Variants in CLASP2 observed in about 807,000 individuals in gnomAD.
CLASP2 encodes the protein CLIP-associating protein 2.
Under a neutral mutation model 194.4 loss-of-function variants are expected in CLASP2, and 47 were observed. The ratio of observed to expected loss-of-function variants is 0.24; its 90% confidence interval spans 0.19 to 0.31. CLASP2 has a LOEUF of 0.31. Among genes scored for constraint, CLASP2 ranks in the 10% least tolerant of loss-of-function variants. CLASP2 has a pLI of 1.00. For synonymous variants in CLASP2, 619 were observed against 633.5 expected (o/e 0.98, Z 0.34); for missense variants, 1,445 against 1,823.6 (o/e 0.79, Z 3.78).
chr3:33,613,316 T>C (rs1366335295), intron 12 of CLASP2, among the ~76,000 whole-genome samples: 1 of 152,186 alleles, frequency 6.6e-6, no homozygotes, highest in African/African-American at 2.4e-5. Context: ...TCCCTGAGAA[T>C]ACTCTTGAAT....
rs28594511 is a variant in CLASP2 at position 33,652,761 on chromosome 3, A to G, written c.716-7858T>C. Among the ~76,000 whole-genome samples, 653 of 152,248 alleles carry G rather than the reference A, an allele frequency of 4.3e-3. 4 individuals are homozygous for G. The highest frequency in any genetic ancestry group is 0.014 in the African/African-American group (586 of 41,548). ...AATTTCATATAGACACATAAAACCA[A>G]CATCATCCAAAACTGATCTCCCTAA... is the stretch of plus-strand genomic sequence containing the variant. On this transcript the variant is annotated intron_variant, in intron 7 of 38. Coordinates refer to ENST00000682230, the MANE Select transcript of CLASP2 (RefSeq NM_001365631.1).
chr3:33,516,778 C>G (rs2051448993), intron 35 of CLASP2, among the ~76,000 whole-genome samples: 1 of 152,120 alleles, frequency 6.6e-6, no homozygotes, highest in Non-Finnish European at 1.5e-5. Context: ...AGCCTGCGAC[C>G]TTTCATTTTT....
At chr3:33,670,979 G>A (rs1272128000) in intron 6 of CLASP2, among the ~76,000 whole-genome samples, 1 of 152,052 alleles carries the variant, frequency 6.6e-6, no homozygotes, top group Non-Finnish European at 1.5e-5. Flanking sequence ...TAACCTGCTG[G>A]GGTTTTATCA....
At chr3:33,561,111 T>C in intron 27 of CLASP2, 140 bp from the exon 28 acceptor site, 1 of 700,262 alleles carries the variant, frequency 1.4e-6, no homozygotes, top group Non-Finnish European at 2.3e-6. Flanking sequence ...CAATCTCTCT[T>C]GCTTTTCATT....
chr3:33,665,612 T>A (rs2086050207), intron 6 of CLASP2, among the ~76,000 whole-genome samples: 1 of 152,200 alleles, frequency 6.6e-6, no homozygotes, highest in Admixed American at 6.5e-5. Flanking sequence ...AAAATTAACA[T>A]CTGACTTTTG....
At chr3:33,544,866 A>G (rs2058899791) in intron 30 of CLASP2, 25 bp from the exon 31 acceptor site, 1 of 1,551,302 alleles carries the variant, frequency 6.4e-7, no homozygotes. Context: ...CATACAGTAG[A>G]TGAATATATT....
intron 9 of CLASP2, among the ~76,000 whole-genome samples, chr3:33,628,628 T>G (rs1030793210): frequency 6.6e-6 from 1 of 152,138 alleles, no homozygotes; most frequent in Non-Finnish European, 1.5e-5. Context: ...CAGGATAAGT[T>G]TGAGGTGTCT....
intron 34 of CLASP2, among the ~76,000 whole-genome samples, chr3:33,525,289 G>T (rs1217460375): frequency 5.9e-5 from 9 of 152,136 alleles, no homozygotes; most frequent in Admixed American, 5.9e-4. Context: ...AGCTATAAAT[G>T]TGTTAACTTA....
At chr3:33,506,370 T>C (rs1373495188) in intron 37 of CLASP2, among the ~76,000 whole-genome samples, 1 of 81,758 alleles carries the variant, frequency 1.2e-5, no homozygotes, top group Non-Finnish European at 1.9e-5. Context: ...AGAGTGAGAC[T>C]CTGTCTCGAA....
At position 33,594,970 on chromosome 3, in the gene CLASP2, T is replaced by A; in HGVS notation, c.1949-2A>T. Reference sequence around the variant, plus strand: ...TCTTACCATCTTCAGATGCTGTTCCTAAATAAGAAAAATAAAACAACATTT... The same window carrying A: ...TCTTACCATCTTCAGATGCTGTTCCAAAATAAGAAAAATAAAACAACATTT... On this transcript the variant is annotated splice_acceptor_variant, in intron 19 of 38. Transcript: ENST00000682230. LOFTEE classifies it high-confidence loss of function. The A allele has an allele frequency of 7.0e-7, 1 of 1,432,152 alleles. No homozygotes were observed. The highest frequency in any genetic ancestry group is 9.3e-7 in the Non-Finnish European group (1 of 1,071,808). 88.7% of individuals were successfully genotyped at this position (1,432,152 alleles called of 1,614,324 possible). A position where few individuals can be genotyped will look rare whatever the true frequency, so the allele number is the denominator to read the frequency against.
chr3:33,591,894 TATC>T (rs2068881571), intron 21 of CLASP2, among the ~76,000 whole-genome samples: 1 of 152,194 alleles, frequency 6.6e-6, no homozygotes, highest in Admixed American at 6.5e-5. Context: ...GAAAATAAGA[TATC>T]ATGTATCTGT....
In CLASP2 at chr3:33,644,891, T is replaced by C; in HGVS notation, c.728A>G (p.Asp243Gly). Reference protein sequence around the residue: ...ILSVCKDKSFDDEESVDGNRP... With the variant: ...ILSVCKDKSFGDEESVDGNRP... Reference sequence around the variant, plus strand: ...ATTTCCATCCACTGATTCTTCATCATCGAAGCTTTTATCTGCACAAAGCAT... The same window carrying C: ...ATTTCCATCCACTGATTCTTCATCACCGAAGCTTTTATCTGCACAAAGCAT... The change falls in exon 8 of 39, where the codon GAT becomes GGT. Residue 243 changes from aspartate to glycine, a missense_variant. Asp to Gly is a moderately conservative substitution (Grantham distance 94, BLOSUM62 -1). This residue lies in a region of CLASP2 where 332 missense variants were observed against 325.3 expected (regional missense o/e 1.02). Coordinates refer to ENST00000682230, the MANE Select transcript of CLASP2 (RefSeq NM_001365631.1). 6.3e-7 allele frequency: 1 copy of C among 1,597,300 alleles called. No homozygotes were observed. Among genetic ancestry groups the C allele is most frequent in the South Asian group, 1.1e-5 (1 of 88,408 alleles).
At chr3:33,676,539 T>C (rs1297355554) in intron 6 of CLASP2, among the ~76,000 whole-genome samples, 11 of 150,308 alleles carry the variant, frequency 7.3e-5, no homozygotes, top group Non-Finnish European at 1.3e-4. Context: ...TTACACCTTA[T>C]ACAAAAATCA....
At chr3:33,567,270 A>T (rs1278356475) in intron 26 of CLASP2, among the ~76,000 whole-genome samples, 1 of 152,174 alleles carries the variant, frequency 6.6e-6, no homozygotes. Flanking sequence ...TATTTTCCCT[A>T]GGTAAGATGT....
In CLASP2 at chr3:33,571,015, A is replaced by ATTTTTTTTTTTTTTTTTTTTTTTTTT. The variant is rs1027731514; in HGVS notation, c.2700-226_2700-225insAAAAAAAAAAAAAAAAAAAAAAAAAA. On this transcript the variant is annotated intron_variant, in intron 25 of 38. Transcript: ENST00000682230. ...AGATGGCAAGATCCTGTCTCTATAA[A>ATTTTTTTTTTTTTTTTTTTTTTTTTT]TTTTTTTTTTTTTTTTTTGAGACGG... 3.2e-4 allele frequency among the ~76,000 whole-genome samples: 40 copies of ATTTTTTTTTTTTTTTTTTTTTTTTTT among 123,910 alleles called. 4 individuals carry two copies. The highest frequency in any genetic ancestry group is 5.1e-4 in the East Asian group (2 of 3,910). The allele number at this position is 123,910 out of a possible 152,430, so 81.3% of individuals were successfully genotyped here. A position where few individuals can be genotyped will look rare whatever the true frequency, so the allele number is the denominator to read the frequency against.
chr3:33,511,260 A>C (rs1559794490), intron 36 of CLASP2, among the ~76,000 whole-genome samples: 1 of 151,984 alleles, frequency 6.6e-6, no homozygotes, highest in Admixed American at 6.6e-5. Flanking sequence ...CGGTGATGTT[A>C]AACTCCAGAG....
intron 37 of CLASP2, among the ~76,000 whole-genome samples, chr3:33,509,361 A>T (rs1389916472): frequency 1.3e-5 from 2 of 152,186 alleles, no homozygotes; most frequent in Non-Finnish European, 2.9e-5. Flanking sequence ...GGATTACGGC[A>T]TGTGCCAACA....
At chr3:33,659,059 T>A in intron 7 of CLASP2, 1 of 1,528,508 alleles carries the variant, frequency 6.5e-7, no homozygotes, top group South Asian at 1.2e-5. Context: ...GCTCAGTGCC[T>A]GCGCCACTGG....
chr3:33,570,684 T>C, intron 26 of CLASP2, 43 bp downstream of exon 26: 1 of 1,574,882 alleles, frequency 6.3e-7, no homozygotes. Flanking sequence ...AATATACAAA[T>C]GATACCCTAT....
Sources: gnomAD v4.1 joint callset for allele counts (sites outside exome capture counted in the v4.1 genomes callset) on GRCh38, gnomAD v4.1.1 for gene constraint, gnomAD v4.1.1 regional missense constraint, MANE v1.5 for transcripts, NCBI Gene and HGNC (gene_info 2026-07-23, HGNC 2026-07-21) for gene names.